Variants in PSD3 observed in about 807,000 individuals in gnomAD.
The protein encoded by PSD3 is pleckstrin and Sec7 domain containing 3, also known as PH and SEC7 domain-containing protein 3.
Under a neutral mutation model 105.5 loss-of-function variants are expected in PSD3, and 49 were observed. The observed-to-expected ratio is 0.46, with a 90% CI of 0.37 to 0.59. The LOEUF (loss-of-function observed/expected upper bound fraction) is 0.59. Ranked by LOEUF, PSD3 falls within the 20% of genes least tolerant of loss-of-function variation. The pLI is 0.00. For synonymous variants in PSD3, 557 were observed against 457.8 expected (o/e 1.22, Z -2.77); for missense variants, 1,561 against 1,263.8 (o/e 1.24, Z -3.57).
At chr8:18,553,201 A>C (rs1207393196) in intron 15 of PSD3, among the ~76,000 whole-genome samples, 1 of 152,224 alleles carries the variant, frequency 6.6e-6, no homozygotes, top group Non-Finnish European at 1.5e-5. Context: ...AAATGGTAAG[A>C]ATTGCTTTGA....
At chr8:19,084,178 C>T (rs531355423) in intron 1 of PSD3, 9 of 421,016 alleles carry the variant, frequency 2.1e-5, no homozygotes, top group African/African-American at 1.8e-4. Flanking sequence ...CTTTCTTCTG[C>T]TGGGATTCAG....
chr8:18,846,339 G>A (rs1247722576), intron 4 of PSD3, among the ~76,000 whole-genome samples: 1 of 152,198 alleles, frequency 6.6e-6, no homozygotes, highest in African/African-American at 2.4e-5. Context: ...ACATTTAACA[G>A]AGGCTGTGGG....
intron 4 of PSD3, among the ~76,000 whole-genome samples, chr8:18,815,709 A>G (rs188474976): frequency 2.2e-3 from 331 of 152,240 alleles, no homozygotes; most frequent in African/African-American, 7.7e-3. Flanking sequence ...TCTGTTCTGC[A>G]GTGTCCCTCT....
At chr8:18,673,026 A>G (rs1362008297) in intron 9 of PSD3, among the ~76,000 whole-genome samples, 1 of 152,226 alleles carries the variant, frequency 6.6e-6, no homozygotes, top group Non-Finnish European at 1.5e-5. Context: ...ATCAAAAATT[A>G]CTAAAAGGTA....
intron 8 of PSD3, among the ~76,000 whole-genome samples, chr8:18,767,431 G>C (rs2129443923): frequency 6.6e-6 from 1 of 152,270 alleles, no homozygotes; most frequent in Admixed American, 6.5e-5. Flanking sequence ...TAGTCCAAGT[G>C]AATACAAAGT....
chr8:18,892,797 G>T (rs1363168069), intron 2 of PSD3, among the ~76,000 whole-genome samples: 1 of 151,612 alleles, frequency 6.6e-6, no homozygotes, highest in Non-Finnish European at 1.5e-5. Context: ...GCTAACTTTT[G>T]TATTTTTAGT....
intron 1 of PSD3, among the ~76,000 whole-genome samples, chr8:18,993,378 C>A (rs1554562743): frequency 6.6e-6 from 1 of 152,078 alleles, no homozygotes; most frequent in Non-Finnish European, 1.5e-5. Context: ...CACCCAGAAT[C>A]CAATAAAATA....
At chr8:18,883,095 C>T (rs552200605) in intron 2 of PSD3, among the ~76,000 whole-genome samples, 1 of 152,126 alleles carries the variant, frequency 6.6e-6, no homozygotes, top group Admixed American at 6.5e-5. Context: ...GGCACCACCT[C>T]AGACATTCCC....
chr8:18,825,784 A>T (rs370835329), intron 4 of PSD3, among the ~76,000 whole-genome samples: 3 of 152,236 alleles, frequency 2.0e-5, no homozygotes, highest in East Asian at 3.8e-4. Flanking sequence ...CATTAGCAAA[A>T]TCAGCACATC....
At chr8:18,765,698 G>A (rs939953318) in intron 8 of PSD3, among the ~76,000 whole-genome samples, 160 bp from the exon 9 acceptor site, 2 of 152,138 alleles carry the variant, frequency 1.3e-5, no homozygotes, top group Non-Finnish European at 2.9e-5. Flanking sequence ...AGGCCGAGGT[G>A]GGTGGATCAC....
intron 11 of PSD3, among the ~76,000 whole-genome samples, chr8:18,612,522 G>A (rs920310901): frequency 7.2e-5 from 11 of 151,970 alleles, no homozygotes; most frequent in South Asian, 6.2e-4. Flanking sequence ...ACAGGCGCCC[G>A]CCACCCGCCT....
intron 15 of PSD3, among the ~76,000 whole-genome samples, chr8:18,551,195 C>A (rs1431928604): frequency 6.6e-6 from 1 of 152,064 alleles, no homozygotes; most frequent in East Asian, 1.9e-4. Context: ...ATTGCTTCCC[C>A]AATGTTGACA....
intron 9 of PSD3, among the ~76,000 whole-genome samples, chr8:18,744,128 C>T (rs1804800576): frequency 6.6e-6 from 1 of 152,146 alleles, no homozygotes; most frequent in Admixed American, 6.5e-5. Context: ...ATGTTCCCCA[C>T]CATCAATTCC....
At position 18,881,647 on chromosome 8, in the gene PSD3, G is replaced by A. The variant is rs2129458677; in HGVS notation, c.131-8914C>T. On this transcript the variant is annotated intron_variant, in intron 2 of 15. Transcript: ENST00000327040. The stretch of plus-strand genomic sequence containing the variant: ...TATATGGCAGTCACATCTATGCCTA[G>A]GTTCCTCAGGAGAGCCACAGTTACG... 2.6e-5 allele frequency among the ~76,000 whole-genome samples: 4 copies of A among 152,014 alleles called. 1 individual carries two copies. The Middle Eastern group carries it at 0.014, about 517-fold the overall frequency.
At chr8:18,760,338 A>G (rs755432797) in intron 9 of PSD3, among the ~76,000 whole-genome samples, 1 of 152,100 alleles carries the variant, frequency 6.6e-6, no homozygotes, top group Non-Finnish European at 1.5e-5. Context: ...TCACCATGCT[A>G]TACAACAAAG....
At chr8:18,561,064 T>C (rs973999553) in intron 14 of PSD3, among the ~76,000 whole-genome samples, 2 of 152,182 alleles carry the variant, frequency 1.3e-5, no homozygotes, top group Non-Finnish European at 2.9e-5. Context: ...AATTACCAAA[T>C]AATCTAGCAA....
chr8:18,913,080 C>G (rs1169425665), intron 2 of PSD3, among the ~76,000 whole-genome samples: 1 of 122,530 alleles, frequency 8.2e-6, no homozygotes, highest in East Asian at 2.3e-4. Flanking sequence ...CACACACACA[C>G]ACACAAACAC....
At chr8:18,634,975 C>T (rs1013683342) in intron 10 of PSD3, among the ~76,000 whole-genome samples, 26 of 152,210 alleles carry the variant, frequency 1.7e-4, no homozygotes, top group African/African-American at 3.4e-4. Context: ...ATTATTATTA[C>T]GGTGTTTTAA....
chr8:19,033,509 C>T (rs916075699), intron 1 of PSD3, among the ~76,000 whole-genome samples: 2 of 150,624 alleles, frequency 1.3e-5, no homozygotes, highest in Admixed American at 6.6e-5. Context: ...CAATTTAAAA[C>T]GTCTCTTCCT....
Sources: allele counts gnomAD v4.1 joint callset (sites outside exome capture counted in the v4.1 genomes callset), GRCh38; gene constraint gnomAD v4.1.1; transcripts MANE v1.5; gene names NCBI Gene and HGNC (gene_info 2026-07-23, HGNC 2026-07-21).